The following NRXN3 variants were observed in gnomAD, a reference collection of about 807,000 sequenced individuals.
NRXN3 encodes neurexin III.
NRXN3 carries 32 observed loss-of-function variants against 137.6 expected under a neutral mutation model. The observed-to-expected ratio is 0.23, with a 90% CI of 0.18 to 0.31. The LOEUF is 0.31. NRXN3 is among the 10% of genes least tolerant of loss of function. The pLI, the probability that NRXN3 is intolerant of heterozygous loss-of-function variation, is 1.00. For synonymous variants in NRXN3, 798 were observed against 784.5 expected, an observed-to-expected ratio of 1.02 and a Z score of -0.29; for missense variants, 1,574 against 2,062.5, an observed-to-expected ratio of 0.76 and a Z score of 4.59.
At chr14:78,197,785 C>T (rs1383773099) in intron 1 of NRXN3, among the ~76,000 whole-genome samples, 2 of 152,194 alleles carry the variant, frequency 1.3e-5, no homozygotes, top group African/African-American at 4.8e-5. Flanking sequence ...CTTCCTTCTC[C>T]TCTCCTGCTC....
intron 16 of NRXN3, among the ~76,000 whole-genome samples, chr14:79,601,040 CTTTTT>C (rs36044631): frequency 1.1e-5 from 1 of 93,424 alleles, no homozygotes; most frequent in South Asian, 4.0e-4. Context: ...TCTTTGTTGC[CTTTTT>C]TTTTTTTTTT....
chr14:79,790,334 TTTTA>T (rs1433271667), intron 19 of NRXN3, among the ~76,000 whole-genome samples: 1 of 151,794 alleles, frequency 6.6e-6, no homozygotes, highest in Non-Finnish European at 1.5e-5. Flanking sequence ...CCACCCTTTT[TTTTA>T]TTATTTAATT....
At chr14:79,438,266 T>C (rs2095875294) in intron 15 of NRXN3, among the ~76,000 whole-genome samples, 4 of 152,162 alleles carry the variant, frequency 2.6e-5, no homozygotes, top group African/African-American at 9.7e-5. Context: ...GATCTGCTTA[T>C]GGGTTGGACT....
intron 17 of NRXN3, among the ~76,000 whole-genome samples, chr14:79,666,207 C>A (rs963192601): frequency 2.6e-5 from 4 of 152,002 alleles, no homozygotes; most frequent in Admixed American, 6.6e-5. Flanking sequence ...TTCCCAAATT[C>A]TCATTTTGTA....
At chr14:79,274,062 A>G (rs549244068) in intron 15 of NRXN3, among the ~76,000 whole-genome samples, 12 of 149,574 alleles carry the variant, frequency 8.0e-5, no homozygotes, top group Non-Finnish European at 1.3e-4. Flanking sequence ...GAGATTACGC[A>G]CTGCACTCCA....
rs1272042524 is a variant in NRXN3 at position 79,018,386 on chromosome 14, T to G, written c.3262+30245T>G. 1.3e-5 allele frequency among the ~76,000 whole-genome samples: 2 copies of G among 151,790 alleles called. 1 individual carries two copies. Among genetic ancestry groups the G allele is most frequent in the East Asian group, 3.9e-4 (2 of 5,178 alleles). On this transcript the variant is annotated intron_variant, in intron 15 of 20. Transcript: ENST00000335750. ...GGAACCTTTGATGGGAAAACTGGGT[T>G]TTTCTCTGACCTCACTACTTTCCCT...
At chr14:79,745,296 C>T (rs2098976261) in intron 19 of NRXN3, among the ~76,000 whole-genome samples, 1 of 152,040 alleles carries the variant, frequency 6.6e-6, no homozygotes, top group South Asian at 2.1e-4. Context: ...TTCTAGATGC[C>T]AGATCCTGAA....
rs536308260 is a variant in NRXN3 at position 79,577,014 on chromosome 14, G to T, written c.3445-86764G>T. Among the ~76,000 whole-genome samples the T allele has an allele frequency of 5.3e-5, 8 of 152,246 alleles. No homozygotes were observed. In the South Asian group the frequency reaches 1.5e-3, roughly 28 times the overall value. On this transcript the variant is annotated intron_variant, in intron 16 of 20. Coordinates refer to ENST00000335750, the MANE Select transcript of NRXN3 (RefSeq NM_001330195.2). Reference sequence around the variant, plus strand: ...CCACGTCAAGATGGGGCCAGGTGGAGGTAATAGGATCATGGGGGCAGTTTC... The same window carrying T: ...CCACGTCAAGATGGGGCCAGGTGGATGTAATAGGATCATGGGGGCAGTTTC...
chr14:79,502,436 C>G (rs2096834442), intron 16 of NRXN3, among the ~76,000 whole-genome samples: 1 of 151,938 alleles, frequency 6.6e-6, no homozygotes, highest in Admixed American at 6.6e-5. Context: ...GTTAACAGCT[C>G]TAAGAAAGAG....
At chr14:79,668,235 C>A (rs1300119130) in intron 17 of NRXN3, among the ~76,000 whole-genome samples, 1 of 152,064 alleles carries the variant, frequency 6.6e-6, no homozygotes, top group Non-Finnish European at 1.5e-5. Flanking sequence ...TTGAGTTTGT[C>A]AAATTCCACA....
At chr14:78,673,867 C>T (rs918466830) in intron 6 of NRXN3, among the ~76,000 whole-genome samples, 1 of 152,170 alleles carries the variant, frequency 6.6e-6, no homozygotes, top group African/African-American at 2.4e-5. Flanking sequence ...TCCATGGCAC[C>T]TTCCGTAGGA....
chr14:78,369,015 G>A (rs2086413665), intron 4 of NRXN3, among the ~76,000 whole-genome samples: 1 of 152,168 alleles, frequency 6.6e-6, no homozygotes, highest in South Asian at 2.1e-4. Flanking sequence ...AATACTCACT[G>A]AACTAGGAAT....
chr14:79,526,340 T>C (rs1296075985), intron 16 of NRXN3, among the ~76,000 whole-genome samples: 1 of 152,156 alleles, frequency 6.6e-6, no homozygotes, highest in African/African-American at 2.4e-5. Context: ...AGCTGCCACC[T>C]GGCCCCATAT....
chr14:78,902,120 C>T (rs551800662), intron 10 of NRXN3, among the ~76,000 whole-genome samples: 9 of 151,542 alleles, frequency 5.9e-5, no homozygotes, highest in East Asian at 3.9e-4. Flanking sequence ...GTATTTTGAT[C>T]GAAATAGACA....
intron 5 of NRXN3, among the ~76,000 whole-genome samples, chr14:78,646,918 T>C (rs906843595): frequency 6.6e-6 from 1 of 152,238 alleles, no homozygotes; most frequent in Admixed American, 6.5e-5. Context: ...ACATGAGAGC[T>C]GCAGAGACTA....
intron 4 of NRXN3, among the ~76,000 whole-genome samples, chr14:78,628,068 G>A (rs1566926142): frequency 6.8e-6 from 1 of 148,136 alleles, no homozygotes; most frequent in Non-Finnish European, 1.5e-5. Context: ...GCATTGCAGA[G>A]TTCTTTTTTT....
intron 10 of NRXN3, among the ~76,000 whole-genome samples, chr14:78,942,212 C>A (rs2152915108): frequency 6.6e-6 from 1 of 152,280 alleles, no homozygotes; most frequent in African/African-American, 2.4e-5. Flanking sequence ...TTCAAACCTG[C>A]CAAGTACTTC....
At chr14:78,835,502 A>G (rs755126088) in intron 10 of NRXN3, among the ~76,000 whole-genome samples, 4 of 152,140 alleles carry the variant, frequency 2.6e-5, no homozygotes, top group Non-Finnish European at 4.4e-5. Context: ...TGTTCTTTGT[A>G]CACTATGCTC....
chr14:79,282,880 C>A (rs948831024), intron 15 of NRXN3, among the ~76,000 whole-genome samples: 1 of 152,162 alleles, frequency 6.6e-6, no homozygotes, highest in African/African-American at 2.4e-5. Context: ...TAAGTAGACT[C>A]CTTGCATATT....
Sources: gnomAD v4.1 joint callset for allele counts (sites outside exome capture counted in the v4.1 genomes callset) on GRCh38, gnomAD v4.1.1 for gene constraint, MANE v1.5 for transcripts, NCBI Gene and HGNC (gene_info 2026-07-23, HGNC 2026-07-21) for gene names.